The following DNAH9 variants were observed in gnomAD, a reference collection of about 807,000 sequenced individuals.
DNAH9 encodes DNAH9 variant protein.
Under a neutral mutation model 471.6 loss-of-function variants are expected in DNAH9, and 345 were observed. The ratio of observed to expected loss-of-function variants is 0.73; its 90% CI spans 0.67 to 0.80. DNAH9 has a LOEUF of 0.80. Among genes scored for constraint, DNAH9 ranks in the 30% least tolerant of loss-of-function variants. DNAH9 has a pLI of 0.00. For synonymous variants in DNAH9, 2,093 were observed against 2,123.6 expected, an observed-to-expected ratio of 0.99 and a Z score of 0.40; for missense variants, 5,407 against 5,609.2, an observed-to-expected ratio of 0.96 and a Z score of 1.15.
chr17:11,961,871 A>G lies in DNAH9; in HGVS notation c.12848A>G (p.Glu4283Gly), dbSNP rs773797261. The change falls in exon 68 of 69, where the codon GAG becomes GGG. Residue 4283 changes from glutamate to glycine, a missense_variant. Transcript: ENST00000262442. ...CCTCCCATTCTTTATCTTCAGGGGG[A>G]GCTGACTATGACCAGCCACATGGAG... ...LRELELGLKG[E>G]LTMTSHMENL... The G allele has an allele frequency of 6.3e-7, 1 of 1,597,494 alleles. No individual in the cohort carries two copies. Among genetic ancestry groups the G allele is most frequent in the African/African-American group, 1.3e-5 (1 of 74,308 alleles).
chr17:11,850,595 G>A (rs1328493938), intron 49 of DNAH9, among the ~76,000 whole-genome samples: 1 of 150,414 alleles, frequency 6.6e-6, no homozygotes, highest in African/African-American at 2.4e-5. Context: ...AGGTTGCAGT[G>A]AGCCAAGAAC....
intron 59 of DNAH9, among the ~76,000 whole-genome samples, chr17:11,898,687 T>G (rs1277519595): frequency 6.6e-6 from 1 of 152,188 alleles, no homozygotes; most frequent in Non-Finnish European, 1.5e-5. Context: ...AAGGAAAAAC[T>G]TTCAGGAACT....
At chr17:11,610,648 A>C in intron 3 of DNAH9, 94 bp downstream of exon 3, 1 of 1,187,758 alleles carries the variant, frequency 8.4e-7, no homozygotes, top group Non-Finnish European at 1.2e-6. Context: ...CATTGAGCCT[A>C]TTCTTCCCTA....
intron 38 of DNAH9, among the ~76,000 whole-genome samples, chr17:11,770,913 T>A (rs1245211715): frequency 6.6e-6 from 1 of 152,160 alleles, no homozygotes; most frequent in African/African-American, 2.4e-5. Context: ...CCGTGGCCAA[T>A]TGTAAGCTAC....
intron 7 of DNAH9, 82 bp from the exon 8 acceptor site, chr17:11,632,505 A>G: frequency 2.8e-6 from 2 of 716,470 alleles, no homozygotes; most frequent in Non-Finnish European, 5.0e-6. Context: ...CAGTTCAAAC[A>G]CAAAAGTTAG....
In DNAH9 at chr17:11,690,038, G is replaced by A. The variant is rs2150753056; in HGVS notation, c.4216G>A (p.Ala1406Thr). The A allele has an allele frequency of 6.2e-7, 1 of 1,614,164 alleles. No individual in the cohort carries two copies. Among genetic ancestry groups the A allele is most frequent in the Non-Finnish European group, 8.5e-7 (1 of 1,180,026 alleles). The change falls in exon 20 of 69, where the codon GCG becomes ACG. Residue 1406 changes from alanine (A) to threonine (T), a missense_variant. Physicochemically the swap from Ala to Thr is moderately conservative, Grantham distance 58 (BLOSUM62 0). Transcript: ENST00000262442. ...CACTATGGACCAGGACACCACCCTAGCGCACCTGCTGCAGCTCCAGCTGCA... is the reference window on the plus strand; with the variant it reads ...CACTATGGACCAGGACACCACCCTAACGCACCTGCTGCAGCTCCAGCTGCA... ...SFTMDQDTTLAHLLQLQLHHY... is the reference protein window; with the variant it reads ...SFTMDQDTTLTHLLQLQLHHY...
intron 4 of DNAH9, among the ~76,000 whole-genome samples, chr17:11,614,673 A>C (rs2072706256): frequency 6.6e-6 from 1 of 152,238 alleles, no homozygotes; most frequent in South Asian, 2.1e-4. Context: ...AGGCACTGGC[A>C]GGTTGGGTGT....
At position 11,822,042 on chromosome 17, in the gene DNAH9, C is replaced by G; in HGVS notation, c.8830C>G (p.Arg2944Gly). 2 of 1,613,084 alleles carry G rather than the reference C, an allele frequency of 1.2e-6. No homozygotes were observed. The highest frequency in any genetic ancestry group is 1.7e-6 in the Non-Finnish European group (2 of 1,179,690). Residue 2944 changes from arginine (R) to glycine (G), a missense_variant, in exon 46 of 69, where the codon CGG becomes GGG. By Grantham distance (125) the Arg-to-Gly change is moderately radical. This residue lies in a region of DNAH9 where 4,636 missense variants were observed against 4,900.3 expected (regional missense o/e 0.95). Transcript: ENST00000262442. The part of the protein sequence containing the change: ...RENCWKFFID[R>G]IRRQLKVTLC... The stretch of plus-strand genomic sequence containing the variant: ...GAACTGTTGGAAGTTCTTTATAGAT[C>G]GGATCCGGCGACAGCTGAAGGTAAA...
chr17:11,958,428 A>G (rs1975783990), intron 67 of DNAH9, among the ~76,000 whole-genome samples: 1 of 152,228 alleles, frequency 6.6e-6, no homozygotes, highest in Non-Finnish European at 1.5e-5. Context: ...CTGCAATGAC[A>G]TATACTAAAA....
At chr17:11,896,345 C>G (rs1451317155) in intron 59 of DNAH9, among the ~76,000 whole-genome samples, 1 of 152,220 alleles carries the variant, frequency 6.6e-6, no homozygotes, top group East Asian at 1.9e-4. Flanking sequence ...TCTGTAGCAA[C>G]TACTCAACTC....
At chr17:11,860,535 G>T (rs971409477) in intron 50 of DNAH9, among the ~76,000 whole-genome samples, 1 of 151,768 alleles carries the variant, frequency 6.6e-6, no homozygotes. Context: ...TGAATTTGTT[G>T]TTGTTGCTTT....
intron 26 of DNAH9, among the ~76,000 whole-genome samples, chr17:11,712,345 A>C (rs892198241): frequency 3.3e-5 from 5 of 151,700 alleles, no homozygotes; most frequent in Non-Finnish European, 5.9e-5. Context: ...ATGGACACTT[A>C]GATGATTTTC....
intron 1 of DNAH9, among the ~76,000 whole-genome samples, chr17:11,599,486 A>C (rs946027136): frequency 1.3e-5 from 2 of 152,172 alleles, no homozygotes; most frequent in Non-Finnish European, 2.9e-5. Flanking sequence ...TTCATTACCA[A>C]CCATTTAGCA....
Position 11,887,381 on chromosome 17 carries a change from C to T in DNAH9, c.11112+416C>T, listed in dbSNP as rs112493203. Among the ~76,000 whole-genome samples, 1,005 of 152,290 alleles carry T rather than the reference C, an allele frequency of 6.6e-3. 16 individuals are homozygous for T. Among genetic ancestry groups the T allele is most frequent in the African/African-American group, 0.023 (948 of 41,576 alleles). ...GTCCAAAGCAGGCAATAATAATACACCAACTTTAAATTAGTTTTCTTATGA... is the reference window on the plus strand; with the variant it reads ...GTCCAAAGCAGGCAATAATAATACATCAACTTTAAATTAGTTTTCTTATGA... On this transcript the variant is annotated intron_variant, in intron 57 of 68. Transcript: ENST00000262442.
rs913748365 is a variant in DNAH9, at chr17:11,962,875, G to T, written c.13233+619G>T. Reference sequence around the variant, plus strand: ...CTATGTTGGCAAAGAGGAGCCAGTAGATATCACTTAAAGTGGCATTTTGAA... The same window carrying T: ...CTATGTTGGCAAAGAGGAGCCAGTATATATCACTTAAAGTGGCATTTTGAA... On this transcript the variant is annotated intron_variant, in intron 68 of 68. Coordinates refer to ENST00000262442, the MANE Select transcript of DNAH9 (RefSeq NM_001372.4). This position sits in a 1 kb window ranked among gnomAD's most constrained non-coding sequence, Gnocchi z 4.1. Among the ~76,000 whole-genome samples, 14 of 152,148 alleles carry T rather than the reference G, an allele frequency of 9.2e-5. No individual in the cohort carries two copies. Among genetic ancestry groups the T allele is most frequent in the Non-Finnish European group, 1.9e-4 (13 of 68,038 alleles).
intron 68 of DNAH9, 22 bp from the exon 69 acceptor site, chr17:11,969,278 T>C (rs1977006893): frequency 6.2e-7 from 1 of 1,609,732 alleles, no homozygotes; most frequent in Non-Finnish European, 8.5e-7. Context: ...CTAAGGTGCC[T>C]CTTCTCATGT....
chr17:11,925,373 T>A (rs1242493916), intron 62 of DNAH9: 2 of 318,196 alleles, frequency 6.3e-6, no homozygotes, highest in Non-Finnish European at 1.3e-5. Context: ...TGCTGCTGGG[T>A]CTTTGTCCTT....
chr17:11,836,272 A>G (rs940310641), intron 49 of DNAH9, among the ~76,000 whole-genome samples: 20 of 152,294 alleles, frequency 1.3e-4, no homozygotes, highest in African/African-American at 3.8e-4. Context: ...CATACCTCAC[A>G]TTGGAATGTA....
In DNAH9 at chr17:11,969,631, C is replaced by G; in HGVS notation, c.*104C>G. 1.1e-6 allele frequency: 1 copy of G among 913,436 alleles called. No homozygotes were observed. The highest frequency in any genetic ancestry group is 1.6e-6 in the Non-Finnish European group (1 of 620,798). 56.6% of individuals were successfully genotyped at this position (913,436 alleles called of 1,614,324 possible). ...ACAGACACTTAGAACGGTAAGAAAC[C>G]ATGAGCACTCACAATTCTGTAGAAT... On this transcript the variant is annotated 3_prime_UTR_variant, in exon 69 of 69. Transcript: ENST00000262442.
Sources: allele counts gnomAD v4.1 joint callset (sites outside exome capture counted in the v4.1 genomes callset), GRCh38; gene constraint gnomAD v4.1.1; regional missense constraint gnomAD v4.1.1; non-coding constraint Gnocchi (gnomAD v3.1); transcripts MANE v1.5; gene names NCBI Gene and HGNC (gene_info 2026-07-23, HGNC 2026-07-21).